The following ZYG11B variants were observed in gnomAD, a reference collection of about 807,000 sequenced individuals.
ZYG11B encodes the protein zyg-11 family member B, cell cycle regulator.
In ZYG11B, 36 loss-of-function variants were observed where a neutral mutation model predicts 82.4. The observed-to-expected ratio is 0.44, with a 90% confidence interval of 0.33 to 0.58. The LOEUF (loss-of-function observed/expected upper bound fraction) is 0.58, where lower values mean the gene tolerates loss of function less well. Among genes scored for constraint, ZYG11B ranks in the 20% least tolerant of loss-of-function variants. The pLI is 0.02. For missense variants in ZYG11B, 552 were observed against 895.6 expected, an observed-to-expected ratio of 0.62 and a Z score of 4.90; for synonymous variants, 303 against 312.8, an observed-to-expected ratio of 0.97 and a Z score of 0.33.
At chr1:52,738,235 G>C (rs1440061767) in intron 1 of ZYG11B, among the ~76,000 whole-genome samples, 1 of 152,050 alleles carries the variant, frequency 6.6e-6, no homozygotes, top group Non-Finnish European at 1.5e-5. Flanking sequence ...TTTGAGACAA[G>C]GTCTTCACTC....
intron 1 of ZYG11B, among the ~76,000 whole-genome samples, chr1:52,744,952 A>C (rs954074944): frequency 1.3e-5 from 2 of 152,230 alleles, no homozygotes; most frequent in African/African-American, 4.8e-5. Flanking sequence ...GTGAGTATCA[A>C]ATGAAATCAG....
At chr1:52,730,291 C>T (rs1315645995) in intron 1 of ZYG11B, among the ~76,000 whole-genome samples, 1 of 152,086 alleles carries the variant, frequency 6.6e-6, no homozygotes, top group Non-Finnish European at 1.5e-5. Context: ...TGGCATTTTT[C>T]ATCTCATGTA....
intron 10 of ZYG11B, chr1:52,805,091 C>CAA (rs57893615): frequency 1.9e-4 from 21 of 112,150 alleles, no homozygotes; most frequent in East Asian, 4.8e-4. Context: ...AACTCTGTCT[C>CAA]AAAAAAAAAA....
intron 6 of ZYG11B, among the ~76,000 whole-genome samples, chr1:52,793,823 T>G (rs1644979071): frequency 6.6e-6 from 1 of 151,208 alleles, no homozygotes; most frequent in Non-Finnish European, 1.5e-5. Flanking sequence ...AGTGACATCA[T>G]ACCTAAGTCC....
intron 1 of ZYG11B, among the ~76,000 whole-genome samples, chr1:52,749,476 C>T (rs1385630165): frequency 6.6e-6 from 1 of 152,152 alleles, no homozygotes; most frequent in African/African-American, 2.4e-5. Flanking sequence ...CTTTATAGGT[C>T]TCTCTTTTTC....
intron 3 of ZYG11B, among the ~76,000 whole-genome samples, chr1:52,775,921 A>G (rs556360061): frequency 3.3e-5 from 5 of 151,854 alleles, no homozygotes; most frequent in Admixed American, 1.3e-4. Flanking sequence ...ACTGAATAAA[A>G]CATAGAGGCA....
At chr1:52,743,493 A>G (rs757182860) in intron 1 of ZYG11B, among the ~76,000 whole-genome samples, 29 of 152,016 alleles carry the variant, frequency 1.9e-4, no homozygotes, top group South Asian at 1.0e-3. Flanking sequence ...AAGAAAGACA[A>G]ATTTGCTCAG....
At chr1:52,782,482 T>C (rs562152947) in intron 4 of ZYG11B, among the ~76,000 whole-genome samples, 1 of 152,166 alleles carries the variant, frequency 6.6e-6, no homozygotes, top group Non-Finnish European at 1.5e-5. Flanking sequence ...CCTCAAACTC[T>C]TGAGCTCAGC....
At chr1:52,796,893 T>C (rs1645011541) in intron 8 of ZYG11B, 109 bp downstream of exon 8, 1 of 110,434 alleles carries the variant, frequency 9.1e-6, no homozygotes. Flanking sequence ...TTATATATAA[T>C]ATATAATTAT....
intron 8 of ZYG11B, among the ~76,000 whole-genome samples, chr1:52,799,360 G>A (rs558799615): frequency 1.9e-4 from 29 of 149,204 alleles, no homozygotes; most frequent in African/African-American, 6.2e-4. Context: ...GGTGGCAGGC[G>A]CCTGTAGTCC....
At chr1:52,770,438 C>T (rs762690871) in intron 2 of ZYG11B, among the ~76,000 whole-genome samples, 2 of 152,070 alleles carry the variant, frequency 1.3e-5, no homozygotes, top group Non-Finnish European at 2.9e-5. Flanking sequence ...AAAGGATAGG[C>T]TAGAAATGTA....
At chr1:52,807,691 A>G (rs1645152551) in intron 10 of ZYG11B, among the ~76,000 whole-genome samples, 2 of 151,866 alleles carry the variant, frequency 1.3e-5, no homozygotes, top group Non-Finnish European at 2.9e-5. Flanking sequence ...GGTTTTCGCC[A>G]TGTTGCCCAG....
intron 3 of ZYG11B, among the ~76,000 whole-genome samples, chr1:52,773,574 A>G (rs1180148465): frequency 1.7e-5 from 2 of 117,482 alleles, no homozygotes; most frequent in Non-Finnish European, 3.3e-5. Flanking sequence ...TTATATTTAT[A>G]CCTTTTATAG....
At position 52,825,887 on chromosome 1, in the gene ZYG11B, A is replaced by G. The variant is rs1037578465; in HGVS notation, c.*4258A>G. On this transcript the variant is annotated 3_prime_UTR_variant, in exon 14 of 14. Coordinates refer to ENST00000294353, the MANE Select transcript of ZYG11B (RefSeq NM_024646.3). ...CCTATCCCATATGTTTAATGAAAACATATTTTATGTGCTAAATTAGGTTAA... is the reference window on the plus strand; with the variant it reads ...CCTATCCCATATGTTTAATGAAAACGTATTTTATGTGCTAAATTAGGTTAA... The G allele has an allele frequency of 1.3e-5, 2 of 152,142 alleles. No homozygotes were observed. Among genetic ancestry groups the G allele is most frequent in the Admixed American group, 6.6e-5 (1 of 15,228 alleles). 9.4% of individuals were successfully genotyped at this position (152,142 alleles called of 1,614,324 possible).
chr1:52,813,860 C>A lies in ZYG11B; in HGVS notation c.1894C>A (p.His632Asn). The A allele has an allele frequency of 6.2e-7, 1 of 1,614,080 alleles. No individual in the cohort carries two copies. Among genetic ancestry groups the A allele is most frequent in the African/African-American group, 1.3e-5 (1 of 75,034 alleles). Residue 632 changes from histidine (H) to asparagine (N), a missense_variant and splice_region_variant, in exon 12 of 14, where the codon CAT becomes AAT. This residue lies in a region of ZYG11B where 127 missense variants were observed against 163.4 expected (regional missense o/e 0.78). Coordinates refer to ENST00000294353, the MANE Select transcript of ZYG11B (RefSeq NM_024646.3). The stretch of plus-strand genomic sequence containing the variant: ...TTCTTGTGTGTCTTTTGTCTTCCAG[C>A]ATTCAGCTATTTTGAAATGGCCAAC... ...SQRNSLLDDLHSAILKWPTPE... is the reference protein window; with the variant it reads ...SQRNSLLDDLNSAILKWPTPE...
intron 1 of ZYG11B, among the ~76,000 whole-genome samples, chr1:52,746,947 A>T: frequency 6.9e-6 from 1 of 144,876 alleles, no homozygotes; most frequent in African/African-American, 2.6e-5. Flanking sequence ...GAGAGGCCTT[A>T]TGGGTAAGAC....
chr1:52,780,976 C>T (rs1456741202), intron 4 of ZYG11B, among the ~76,000 whole-genome samples: 1 of 151,978 alleles, frequency 6.6e-6, no homozygotes, highest in Non-Finnish European at 1.5e-5. Context: ...AACCCCATCT[C>T]TACTAAAAAT....
At chr1:52,808,966 C>T (rs1180275797) in intron 10 of ZYG11B, among the ~76,000 whole-genome samples, 2 of 151,854 alleles carry the variant, frequency 1.3e-5, no homozygotes, top group Admixed American at 6.6e-5. Flanking sequence ...TTGTATCTTC[C>T]GTGTTACTAC....
chr1:52,798,175 T>TTCC (rs769615154), intron 8 of ZYG11B, among the ~76,000 whole-genome samples: 6 of 152,088 alleles, frequency 3.9e-5, no homozygotes, highest in Non-Finnish European at 5.9e-5. Context: ...AGTGAATTTA[T>TTCC]TTCTTTTCAT....
Sources: gnomAD v4.1 joint callset for allele counts (sites outside exome capture counted in the v4.1 genomes callset) on GRCh38, gnomAD v4.1.1 for gene constraint, gnomAD v4.1.1 regional missense constraint, MANE v1.5 for transcripts, NCBI Gene and HGNC (gene_info 2026-07-23, HGNC 2026-07-21) for gene names.